Variants in PCDH15 observed in about 807,000 individuals in gnomAD.
PCDH15 encodes the protein protocadherin-15.
PCDH15 carries 129 observed loss-of-function variants against 178.5 expected under a neutral mutation model. That is an observed-to-expected ratio of 0.72 (90% CI 0.63 to 0.84). The LOEUF is 0.84. PCDH15 is among the 40% of genes least tolerant of loss of function. The pLI is 0.00. For missense variants in PCDH15, 2,230 were observed against 2,099.9 expected (o/e 1.06, Z -1.21); for synonymous variants, 800 against 732.0 (o/e 1.09, Z -1.50).
At chr10:55,120,230 G>T (rs1022514659) in intron 2 of PCDH15, among the ~76,000 whole-genome samples, 5 of 152,138 alleles carry the variant, frequency 3.3e-5, no homozygotes, top group Non-Finnish European at 7.4e-5. Flanking sequence ...GTATATTTAT[G>T]GGTGGATGAT....
At chr10:55,107,424 T>C (rs1837377780) in intron 2 of PCDH15, among the ~76,000 whole-genome samples, 1 of 151,978 alleles carries the variant, frequency 6.6e-6, no homozygotes. Context: ...AGATGGCCTA[T>C]GAATTTTTAC....
intron 2 of PCDH15, among the ~76,000 whole-genome samples, chr10:55,426,193 A>T (rs1386464457): frequency 2.6e-5 from 4 of 152,124 alleles, no homozygotes; most frequent in Non-Finnish European, 5.9e-5. Context: ...TAGTTTCAGG[A>T]CTTAACGAAG....
At chr10:54,724,593 G>T (rs1229181837) in intron 1 of PCDH15, among the ~76,000 whole-genome samples, 1 of 151,252 alleles carries the variant, frequency 6.6e-6, no homozygotes, top group East Asian at 1.9e-4. Flanking sequence ...TCACTGAAAA[G>T]TTATATGTTA....
At position 53,806,984 on chromosome 10, in the gene PCDH15, T is replaced by C. The variant is rs1403564992; in HGVS notation, c.4818A>G (p.Ala1606=). ...HSNINGNIYI[A]QNGSVVRTRR... is the part of the protein sequence containing the mutation. The stretch of plus-strand genomic sequence containing the variant: ...GGGTTCTCACCACAGAACCATTCTG[T>C]GCAATATATATATTGCCGTTGATAT... The change falls in exon 38 of 38, where the codon GCA becomes GCG. Residue 1606 remains alanine (A), a synonymous_variant. Coordinates refer to ENST00000644397, the MANE Select transcript of PCDH15 (RefSeq NM_001384140.1). 6.2e-7 allele frequency: 1 copy of C among 1,613,816 alleles called. No homozygotes were observed. The highest frequency in any genetic ancestry group is 1.1e-5 in the South Asian group (1 of 91,086).
chr10:54,409,454 T>TA (rs1371948212), intron 3 of PCDH15, among the ~76,000 whole-genome samples: 3 of 152,036 alleles, frequency 2.0e-5, no homozygotes, highest in Non-Finnish European at 4.4e-5. Flanking sequence ...AGACTTCACA[T>TA]AAAAACATCC....
At chr10:54,906,942 C>T (rs754028234) in intron 2 of PCDH15, among the ~76,000 whole-genome samples, 1 of 152,142 alleles carries the variant, frequency 6.6e-6, no homozygotes, top group African/African-American at 2.4e-5. Context: ...CAGATCCTGG[C>T]ACACTGTCTG....
chr10:55,401,191 G>A (rs529505687), intron 2 of PCDH15, among the ~76,000 whole-genome samples: 2 of 152,146 alleles, frequency 1.3e-5, no homozygotes, highest in Admixed American at 6.6e-5. Context: ...CTTCTAAAAT[G>A]TGGATTCCTG....
At chr10:55,114,553 C>G (rs2132059568) in intron 2 of PCDH15, among the ~76,000 whole-genome samples, 1 of 152,284 alleles carries the variant, frequency 6.6e-6, no homozygotes, top group Admixed American at 6.5e-5. Context: ...TCCCTTGTAG[C>G]TATGTAAGAC....
At chr10:54,449,027 C>G (rs1453502109) in intron 3 of PCDH15, among the ~76,000 whole-genome samples, 1 of 151,490 alleles carries the variant, frequency 6.6e-6, no homozygotes, top group Non-Finnish European at 1.5e-5. Flanking sequence ...TTCTTTTTCC[C>G]CATATCTAGG....
At chr10:54,048,162 T>G (rs150105002) in intron 18 of PCDH15, among the ~76,000 whole-genome samples, 60 of 152,286 alleles carry the variant, frequency 3.9e-4, no homozygotes, top group African/African-American at 1.4e-3. Flanking sequence ...TGATTTATGA[T>G]GTGGATCATT....
intron 1 of PCDH15, among the ~76,000 whole-genome samples, chr10:55,193,911 T>C (rs1840010879): frequency 6.6e-6 from 1 of 151,930 alleles, no homozygotes; most frequent in Non-Finnish European, 1.5e-5. Context: ...TAAATAATGA[T>C]AAAGCCATAA....
At position 55,375,300 on chromosome 10, in the gene PCDH15, T is replaced by C. The variant is rs185677374; in HGVS notation, c.-155-208649A>G. On this transcript the variant is annotated intron_variant, in intron 2 of 5. Coordinates refer to the PCDH15 transcript ENST00000613346. ...AAGAAAGAATGGCAGGGAAGTAATA[T>C]TTAAATCGATTTTTAAGTGATTTTT... Among the ~76,000 whole-genome samples, 570 of 152,252 alleles carry C rather than the reference T, an allele frequency of 3.7e-3. 4 individuals carry two copies. The highest frequency in any genetic ancestry group is 0.011 in the African/African-American group (474 of 41,582).
chr10:54,713,356 C>T (rs2095445311), intron 1 of PCDH15, among the ~76,000 whole-genome samples: 1 of 152,002 alleles, frequency 6.6e-6, no homozygotes, highest in Non-Finnish European at 1.5e-5. Flanking sequence ...CAACTTAATA[C>T]TGTGAACAGA....
At chr10:54,657,617 C>A (rs939086478) in intron 2 of PCDH15, among the ~76,000 whole-genome samples, 2 of 152,050 alleles carry the variant, frequency 1.3e-5, no homozygotes, top group Non-Finnish European at 2.9e-5. Context: ...AATCAAGGAA[C>A]CCATAAAGAA....
At chr10:55,335,814 T>C (rs1844370681) in intron 2 of PCDH15, among the ~76,000 whole-genome samples, 2 of 152,172 alleles carry the variant, frequency 1.3e-5, no homozygotes, top group Admixed American at 1.3e-4. Context: ...TAACTTGTAG[T>C]TCCTCATAAT....
chr10:54,968,721 T>A (rs1036806220), intron 2 of PCDH15, among the ~76,000 whole-genome samples: 1 of 152,132 alleles, frequency 6.6e-6, no homozygotes, highest in African/African-American at 2.4e-5. Flanking sequence ...TAAAATACTT[T>A]CCCTTCCTCT....
chr10:54,469,863 G>C (rs12259617), intron 3 of PCDH15, among the ~76,000 whole-genome samples: 6,541 of 152,250 alleles, frequency 0.043, 298 homozygotes, highest in African/African-American at 0.11. Flanking sequence ...GCAATGGCCA[G>C]TCTCTAGGCT....
chr10:55,110,552 G>T (rs542950446), intron 2 of PCDH15, among the ~76,000 whole-genome samples: 1 of 151,952 alleles, frequency 6.6e-6, no homozygotes, highest in African/African-American at 2.4e-5. Flanking sequence ...ACTTTCAGTT[G>T]TTAGGTTAGT....
intron 26 of PCDH15, among the ~76,000 whole-genome samples, chr10:53,880,301 C>CTG (rs2080612166): frequency 6.6e-6 from 1 of 152,154 alleles, no homozygotes; most frequent in Non-Finnish European, 1.5e-5. Flanking sequence ...TTTTAATATG[C>CTG]TAACAGTACA....
Sources: allele counts gnomAD v4.1 joint callset (sites outside exome capture counted in the v4.1 genomes callset), GRCh38; gene constraint gnomAD v4.1.1; transcripts MANE v1.5; gene names NCBI Gene and HGNC (gene_info 2026-07-23, HGNC 2026-07-21).